The following STAMBPL1 variants were observed in gnomAD, a reference collection of about 807,000 sequenced individuals.
STAMBPL1 encodes AMSH-like protease.
A neutral mutation model predicts 52.9 loss-of-function variants in STAMBPL1; 44 were observed. The ratio of observed to expected loss-of-function variants is 0.83; its 90% CI spans 0.65 to 1.07. The LOEUF (loss-of-function observed/expected upper bound fraction) is 1.07. STAMBPL1 is among the 50% of genes least tolerant of loss of function. STAMBPL1 has a pLI of 0.00. For missense variants in STAMBPL1, 511 were observed against 520.8 expected (o/e 0.98, Z 0.18); for synonymous variants, 164 against 177.3 (o/e 0.92, Z 0.60).
intron 1 of STAMBPL1, among the ~76,000 whole-genome samples, chr10:88,887,518 G>A (rs1275511507): frequency 1.3e-5 from 2 of 152,212 alleles, no homozygotes; most frequent in East Asian, 1.9e-4. Context: ...TTTGGGTGGA[G>A]CCTGGCAGCC....
In STAMBPL1 at chr10:88,914,673, T is replaced by TATAA; in HGVS notation, c.903+19_903+22dup. 1 of 1,051,068 alleles carries TATAA rather than the reference T, an allele frequency of 9.5e-7. No individual in the cohort carries two copies. Among genetic ancestry groups the TATAA allele is most frequent in the Non-Finnish European group, 1.2e-6 (1 of 813,862 alleles). 65.1% of individuals were successfully genotyped at this position (1,051,068 alleles called of 1,614,324 possible). A position where few individuals can be genotyped will look rare whatever the true frequency, so the allele number is the denominator to read the frequency against. On this transcript the variant is annotated intron_variant, in intron 7 of 10. Transcript: ENST00000371926. ...GTGGAAAACTGGTATGATCTTTTTATATAAATATATATATATATATATCTG... is the reference window on the plus strand; with the variant it reads ...GTGGAAAACTGGTATGATCTTTTTATATAAATAAATATATATATATATATATCTG...
rs369274798 is a variant in STAMBPL1 at position 88,899,656 on chromosome 10, T to G, written c.-53-2000T>G. On this transcript the variant is annotated intron_variant, in intron 1 of 10. Transcript: ENST00000371926. Reference sequence around the variant, plus strand: ...TCCCTAGTAGCTGGGATTACAGGCGTGCACTACCACGCCTGGCTAATTTTT... The same window carrying G: ...TCCCTAGTAGCTGGGATTACAGGCGGGCACTACCACGCCTGGCTAATTTTT... Among the ~76,000 whole-genome samples the G allele has an allele frequency of 1.8e-4, 28 of 152,188 alleles. No homozygotes were observed. In the South Asian group the frequency reaches 5.8e-3, roughly 32 times the overall value.
chr10:88,892,758 G>A (rs944806819), intron 1 of STAMBPL1, among the ~76,000 whole-genome samples: 12 of 152,340 alleles, frequency 7.9e-5, no homozygotes, highest in African/African-American at 2.4e-4. Context: ...TGGATGACAA[G>A]TACTTCAGGA....
At chr10:88,908,602 A>C in intron 3 of STAMBPL1, 100 bp from the exon 4 acceptor site, 1 of 959,310 alleles carries the variant, frequency 1.0e-6, no homozygotes. Flanking sequence ...TAAGTTATTA[A>C]ACATGTCATT....
intron 1 of STAMBPL1, among the ~76,000 whole-genome samples, chr10:88,884,931 CAGA>C (rs1208647906): frequency 6.6e-6 from 1 of 152,152 alleles, no homozygotes; most frequent in Non-Finnish European, 1.5e-5. Flanking sequence ...GTTTCTATCT[CAGA>C]AGGTTTTAGG....
intron 1 of STAMBPL1, among the ~76,000 whole-genome samples, chr10:88,889,015 A>G (rs879747833): frequency 9.2e-5 from 14 of 152,228 alleles, no homozygotes; most frequent in African/African-American, 3.4e-4. Flanking sequence ...ATTTGTATTC[A>G]TATTACAAGG....
rs555287397 is a variant in STAMBPL1, at chr10:88,890,320, G to T, written c.-54+9682G>T. 3.5e-3 allele frequency among the ~76,000 whole-genome samples: 527 copies of T among 152,286 alleles called. 2 individuals are homozygous for T. Among genetic ancestry groups the T allele is most frequent in the Non-Finnish European group, 4.8e-3 (326 of 68,010 alleles). ...AAAGGAATGGCAATATCTGAATCAGGTTTTTAAAAGATCACTACAGGTAGA... is the reference window on the plus strand; with the variant it reads ...AAAGGAATGGCAATATCTGAATCAGTTTTTTAAAAGATCACTACAGGTAGA... On this transcript the variant is annotated intron_variant, in intron 1 of 10. Transcript: ENST00000371926.
chr10:88,911,049 A>G, intron 5 of STAMBPL1, 38 bp downstream of exon 5: 1 of 1,287,498 alleles, frequency 7.8e-7, no homozygotes, highest in Non-Finnish European at 1.1e-6. Flanking sequence ...TGACTATTTT[A>G]TGTACAAGTA....
intron 10 of STAMBPL1, 75 bp downstream of exon 10, chr10:88,922,511 G>A: frequency 1.5e-6 from 2 of 1,368,690 alleles, no homozygotes; most frequent in Non-Finnish European, 2.1e-6. Flanking sequence ...TAAATAAATA[G>A]TAGCAGTCTA....
chr10:88,900,091 C>A (rs889906588), intron 1 of STAMBPL1, among the ~76,000 whole-genome samples: 2 of 152,102 alleles, frequency 1.3e-5, no homozygotes, highest in African/African-American at 4.8e-5. Context: ...GCTTAGAGCT[C>A]AATGTTTACC....
intron 7 of STAMBPL1, among the ~76,000 whole-genome samples, chr10:88,916,169 G>C (rs987776476): frequency 2.0e-5 from 3 of 151,946 alleles, no homozygotes; most frequent in Admixed American, 2.0e-4. Context: ...CCCAGCATTC[G>C]AAGAATGTCT....
chr10:88,909,840 A>G (rs975247187), intron 4 of STAMBPL1, among the ~76,000 whole-genome samples: 2 of 152,132 alleles, frequency 1.3e-5, no homozygotes, highest in Non-Finnish European at 2.9e-5. Context: ...ACCTCAAGTG[A>G]TCCACCTGCC....
At chr10:88,921,428 G>A (rs1845508651) in intron 9 of STAMBPL1, 33 bp downstream of exon 9, 2 of 1,575,768 alleles carry the variant, frequency 1.3e-6, no homozygotes, top group African/African-American at 1.4e-5. Context: ...GACCAAAGAA[G>A]GCTTTGTCCA....
At chr10:88,917,005 T>C (rs1251663401) in intron 8 of STAMBPL1, among the ~76,000 whole-genome samples, 188 bp downstream of exon 8, 1 of 152,104 alleles carries the variant, frequency 6.6e-6, no homozygotes, top group African/African-American at 2.4e-5. Context: ...AAAATAAAGG[T>C]CATCATATTA....
At chr10:88,910,800 G>T in intron 4 of STAMBPL1, 116 bp from the exon 5 acceptor site, 1 of 618,306 alleles carries the variant, frequency 1.6e-6, no homozygotes, top group Non-Finnish European at 2.7e-6. Flanking sequence ...CATCATCTTT[G>T]GTTACTCATG....
intron 1 of STAMBPL1, among the ~76,000 whole-genome samples, chr10:88,895,795 G>A (rs1189394097): frequency 6.6e-6 from 1 of 152,172 alleles, no homozygotes; most frequent in Non-Finnish European, 1.5e-5. Context: ...TAAGGGCACC[G>A]AACCACTTCA....
intron 1 of STAMBPL1, among the ~76,000 whole-genome samples, chr10:88,888,211 T>C (rs1844586978): frequency 6.6e-6 from 1 of 152,150 alleles, no homozygotes; most frequent in South Asian, 2.1e-4. Flanking sequence ...TAGTGAGTAG[T>C]GGAAGACACA....
At chr10:88,911,866 T>C (rs761484837) in intron 5 of STAMBPL1, among the ~76,000 whole-genome samples, 3 of 152,130 alleles carry the variant, frequency 2.0e-5, no homozygotes, top group African/African-American at 4.8e-5. Context: ...ATATGAAAGA[T>C]AGAAATTTTC....
chr10:88,903,255 AG>A (rs1844991309), intron 2 of STAMBPL1, among the ~76,000 whole-genome samples: 1 of 152,202 alleles, frequency 6.6e-6, no homozygotes, highest in African/African-American at 2.4e-5. Flanking sequence ...AAATTTGGGA[AG>A]GTCCATTCAG....
Sources: gnomAD v4.1 joint callset for allele counts (sites outside exome capture counted in the v4.1 genomes callset) on GRCh38, gnomAD v4.1.1 for gene constraint, MANE v1.5 for transcripts, NCBI Gene and HGNC (gene_info 2026-07-23, HGNC 2026-07-21) for gene names.